Variants in NR5A2 observed in about 807,000 individuals in gnomAD.
NR5A2 encodes CYP7A promoter-binding factor.
A neutral mutation model predicts 62.7 loss-of-function variants in NR5A2; 26 were observed. That is an observed-to-expected ratio of 0.41 (90% confidence interval 0.30 to 0.58). The LOEUF is 0.58. Among genes scored for constraint, NR5A2 ranks in the 20% least tolerant of loss-of-function variants. NR5A2 has a pLI of 0.22. For missense variants in NR5A2, 541 were observed against 669.1 expected (o/e 0.81, Z 2.11); for synonymous variants, 246 against 241.7 (o/e 1.02, Z -0.16).
chr1:200,033,837 G>C (rs1661638192), intron 1 of NR5A2, among the ~76,000 whole-genome samples: 1 of 152,164 alleles, frequency 6.6e-6, no homozygotes, highest in African/African-American at 2.4e-5. Context: ...CGGTACCACT[G>C]TTAAGTCTTG....
Position 200,176,338 on chromosome 1 carries a change from T to C in NR5A2, c.*2128T>C, listed in dbSNP as rs1011881164. On this transcript the variant is annotated 3_prime_UTR_variant, in exon 8 of 8. Transcript: ENST00000367362. ...TAATCACCTCTAATACTCATCCACA[T>C]GAAGGGTACACATTAGGTAAGCTGG... 1.3e-5 allele frequency: 2 copies of C among 152,668 alleles called. No homozygotes were observed. Among genetic ancestry groups the C allele is most frequent in the African/African-American group, 4.8e-5 (2 of 41,462 alleles). 9.5% of individuals were successfully genotyped at this position (152,668 alleles called of 1,614,324 possible).
Position 200,028,826 on chromosome 1 carries a change from A to C in NR5A2, c.64+915A>C, listed in dbSNP as rs879049870. Among the ~76,000 whole-genome samples, 4 of 152,302 alleles carry C rather than the reference A, an allele frequency of 2.6e-5. No homozygotes were observed. The South Asian group carries it at 8.3e-4, about 32-fold the overall frequency. ...CAGCTCCATTATAACAAGAAAGAAA[A>C]TCAAGGCTTGAGTTTTTCCTCTTTT... On this transcript the variant is annotated intron_variant, in intron 1 of 7. Transcript: ENST00000367362.
chr1:200,168,210 CTT>C (rs1164744059), intron 7 of NR5A2, among the ~76,000 whole-genome samples: 25 of 141,120 alleles, frequency 1.8e-4, no homozygotes, highest in East Asian at 2.0e-4. Flanking sequence ...TTTATATCTA[CTT>C]TTTTTTTTTT....
rs149470088 is a variant in NR5A2 at position 200,084,958 on chromosome 1, G to A, written c.1111-26244G>A. ...CAATCATAGTGCCGCATTGTGAGCC[G>A]TTTGTACCGGATCTGATTCTTCCAG... is the stretch of plus-strand genomic sequence containing the variant. On this transcript the variant is annotated intron_variant, in intron 5 of 7. Coordinates refer to ENST00000367362, the MANE Select transcript of NR5A2 (RefSeq NM_205860.3). Among the ~76,000 whole-genome samples the A allele has an allele frequency of 7.1e-4, 108 of 152,258 alleles. No homozygotes were observed. The East Asian group carries it at 0.018, about 25-fold the overall frequency.
chr1:200,090,369 G>A (rs1664759839), intron 5 of NR5A2, among the ~76,000 whole-genome samples: 1 of 152,194 alleles, frequency 6.6e-6, no homozygotes, highest in Non-Finnish European at 1.5e-5. Flanking sequence ...GTTAAAAACA[G>A]AGATATGGTT....
At position 200,082,247 on chromosome 1, in the gene NR5A2, T is replaced by C. The variant is rs531739235; in HGVS notation, c.1111-28955T>C. On this transcript the variant is annotated intron_variant, in intron 5 of 7. Transcript: ENST00000367362. ...AATCTCCTGATTAGGGGAAAGATGC[T>C]TAAAACAGACTTGGATAAAACAGAT... is the stretch of plus-strand genomic sequence containing the variant. Among the ~76,000 whole-genome samples the C allele has an allele frequency of 9.8e-5, 15 of 152,334 alleles. No homozygotes were observed. In the South Asian group the frequency reaches 2.9e-3, roughly 29 times the overall value.
At chr1:200,037,381 C>T (rs537358478) in intron 1 of NR5A2, among the ~76,000 whole-genome samples, 1 of 152,302 alleles carries the variant, frequency 6.6e-6, no homozygotes, top group Admixed American at 6.5e-5. Flanking sequence ...TAGGACCAAG[C>T]GTTTGGAGTC....
intron 5 of NR5A2, among the ~76,000 whole-genome samples, chr1:200,066,786 C>T (rs1663497402): frequency 6.6e-6 from 1 of 152,088 alleles, no homozygotes; most frequent in Admixed American, 6.5e-5. Context: ...CAGGGTTTCA[C>T]CATGTTGGTC....
intron 5 of NR5A2, among the ~76,000 whole-genome samples, chr1:200,070,535 C>G (rs1663691403): frequency 6.6e-6 from 1 of 151,922 alleles, no homozygotes; most frequent in Non-Finnish European, 1.5e-5. Flanking sequence ...TAAAAATTAG[C>G]CAGGTATAGT....
chr1:200,139,014 G>C (rs545629723), intron 7 of NR5A2, among the ~76,000 whole-genome samples: 26 of 152,272 alleles, frequency 1.7e-4, no homozygotes, highest in Non-Finnish European at 3.2e-4. Context: ...TTTCTTGGGA[G>C]TATTGAGACT....
At chr1:200,104,668 A>G (rs747894716) in intron 5 of NR5A2, among the ~76,000 whole-genome samples, 1 of 151,676 alleles carries the variant, frequency 6.6e-6, no homozygotes, top group Non-Finnish European at 1.5e-5. Context: ...TTCCTTTTCT[A>G]TTTATTTTTT....
intron 5 of NR5A2, among the ~76,000 whole-genome samples, chr1:200,049,136 A>C (rs1003005321): frequency 2.0e-5 from 3 of 152,230 alleles, no homozygotes; most frequent in Non-Finnish European, 4.4e-5. Context: ...AAAACATTTC[A>C]AGTCAATGTG....
intron 6 of NR5A2, among the ~76,000 whole-genome samples, chr1:200,118,373 C>A (rs553554212): frequency 1.3e-5 from 2 of 152,296 alleles, no homozygotes; most frequent in Non-Finnish European, 2.9e-5. Flanking sequence ...ACAGCTACAG[C>A]GCATTCCGTT....
intron 5 of NR5A2, among the ~76,000 whole-genome samples, chr1:200,050,452 T>G (rs183138889): frequency 3.9e-5 from 6 of 152,292 alleles, no homozygotes; most frequent in Non-Finnish European, 1.5e-5. Context: ...ATATGTGGTG[T>G]TTGTGGAGGA....
At position 200,108,857 on chromosome 1, in the gene NR5A2, T is replaced by A. The variant is rs559720196; in HGVS notation, c.1111-2345T>A. On this transcript the variant is annotated intron_variant, in intron 5 of 7. Transcript: ENST00000367362. ...TTCCTGGAATCTGCTGTGTATGCAA[T>A]GACATGCATATTGCTAGGACGTTAG... 7.4e-4 allele frequency among the ~76,000 whole-genome samples: 112 copies of A among 152,348 alleles called. 1 individual carries two copies. The South Asian group carries it at 0.023, about 31-fold the overall frequency.
At chr1:200,144,216 C>T (rs1330414108) in intron 7 of NR5A2, among the ~76,000 whole-genome samples, 1 of 72,470 alleles carries the variant, frequency 1.4e-5, no homozygotes, top group Non-Finnish European at 3.1e-5. Context: ...AGCACTGTTT[C>T]TCTCTCTCTC....
intron 7 of NR5A2, among the ~76,000 whole-genome samples, chr1:200,145,873 T>A (rs1022456209): frequency 1.1e-4 from 16 of 152,192 alleles, no homozygotes; most frequent in African/African-American, 3.9e-4. Flanking sequence ...AGTCAGTTTA[T>A]GCCTGAACAT....
At chr1:200,151,803 A>G (rs911077677) in intron 7 of NR5A2, among the ~76,000 whole-genome samples, 2 of 152,224 alleles carry the variant, frequency 1.3e-5, no homozygotes, top group Admixed American at 6.5e-5. Flanking sequence ...GAAATACTGA[A>G]TTAGTATTTA....
intron 7 of NR5A2, among the ~76,000 whole-genome samples, chr1:200,139,037 A>G (rs541675093): frequency 2.6e-4 from 39 of 152,328 alleles, no homozygotes; most frequent in Middle Eastern, 3.4e-3. Context: ...CCCGTTCATG[A>G]ACATAGTTCA....
Sources: allele counts gnomAD v4.1 joint callset (sites outside exome capture counted in the v4.1 genomes callset), GRCh38; gene constraint gnomAD v4.1.1; transcripts MANE v1.5; gene names NCBI Gene and HGNC (gene_info 2026-07-23, HGNC 2026-07-21).